The following CSMD1 variants were observed in gnomAD, a reference collection of about 807,000 sequenced individuals.
CSMD1 encodes CUB and Sushi multiple domains 1.
A neutral mutation model predicts 417.5 loss-of-function variants in CSMD1; 213 were observed. That is an observed-to-expected ratio of 0.51 (90% CI 0.46 to 0.57). The LOEUF (loss-of-function observed/expected upper bound fraction) is 0.57. CSMD1 is among the 20% of genes least tolerant of loss of function. CSMD1 has a pLI of 0.00. For synonymous variants in CSMD1, 2,862 were observed against 1,736.8 expected, an observed-to-expected ratio of 1.65 and a Z score of -16.11; for missense variants, 6,923 against 4,529.7, an observed-to-expected ratio of 1.53 and a Z score of -15.17.
Position 4,141,512 on chromosome 8 carries a change from T to A in CSMD1, c.416-109413A>T, listed in dbSNP as rs1208053258. On this transcript the variant is annotated intron_variant, in intron 3 of 69. Transcript: ENST00000635120. The stretch of plus-strand genomic sequence containing the variant: ...GTCTTCACAATAATCCTGAGAGTTA[T>A]TCGCTACATTTTCACACATGTACAA... Among the ~76,000 whole-genome samples the A allele has an allele frequency of 1.3e-5, 2 of 151,172 alleles. 1 individual carries two copies. Among genetic ancestry groups the A allele is most frequent in the Non-Finnish European group, 2.9e-5 (2 of 68,036 alleles).
At chr8:4,596,570 T>C (rs1398780697) in intron 2 of CSMD1, among the ~76,000 whole-genome samples, 8 of 152,188 alleles carry the variant, frequency 5.3e-5, no homozygotes, top group Non-Finnish European at 1.2e-4. Context: ...AAATAATTAA[T>C]AATTAAATCT....
At position 3,698,538 on chromosome 8, in the gene CSMD1, G is replaced by A. The variant is rs531934564; in HGVS notation, c.1009+9876C>T. On this transcript the variant is annotated intron_variant, in intron 7 of 69. Transcript: ENST00000635120. ...ATCTGGCACACGGATTAGCAGGCAT[G>A]CCTGCTTCTGCAGCAGTGTTAGAAA... Among the ~76,000 whole-genome samples the A allele has an allele frequency of 5.9e-5, 9 of 152,344 alleles. No individual in the cohort carries two copies. The East Asian group carries it at 1.7e-3, about 29-fold the overall frequency.
chr8:3,306,067 C>G (rs1804815539), intron 25 of CSMD1, among the ~76,000 whole-genome samples: 1 of 152,000 alleles, frequency 6.6e-6, no homozygotes, highest in Admixed American at 6.6e-5. Context: ...TGTTCTTGCT[C>G]CTTTTATGTA....
intron 18 of CSMD1, among the ~76,000 whole-genome samples, chr8:3,374,970 G>A (rs79710118): frequency 1.4e-4 from 21 of 152,272 alleles, no homozygotes; most frequent in African/African-American, 4.1e-4. Context: ...GTTGAAGCAC[G>A]CAGACAATTT....
chr8:4,901,882 CA>C (rs1804894619), intron 1 of CSMD1, among the ~76,000 whole-genome samples: 1 of 151,952 alleles, frequency 6.6e-6, no homozygotes, highest in African/African-American at 2.4e-5. Flanking sequence ...TCCCACCAGC[CA>C]AAAGGACACT....
chr8:2,979,378 G>A (rs1051131847), intron 54 of CSMD1, among the ~76,000 whole-genome samples: 2 of 152,244 alleles, frequency 1.3e-5, no homozygotes, highest in Non-Finnish European at 2.9e-5. Flanking sequence ...GGTCCGTGGT[G>A]AGGCAGTCTT....
At chr8:4,308,473 G>A (rs565789524) in intron 3 of CSMD1, among the ~76,000 whole-genome samples, 4 of 152,268 alleles carry the variant, frequency 2.6e-5, no homozygotes, top group Admixed American at 2.6e-4. Flanking sequence ...TCTTCAGCGA[G>A]GGCCAATGTG....
chr8:4,421,243 GAAAAACA>G (rs1349464589), intron 2 of CSMD1, among the ~76,000 whole-genome samples: 4 of 151,886 alleles, frequency 2.6e-5, no homozygotes, highest in Admixed American at 1.3e-4. Context: ...TTTAAGAAAG[GAAAAACA>G]AAAAACAAAA....
At chr8:4,528,735 TTAAG>T (rs1254535283) in intron 2 of CSMD1, among the ~76,000 whole-genome samples, 3 of 151,982 alleles carry the variant, frequency 2.0e-5, no homozygotes, top group Non-Finnish European at 2.9e-5. Flanking sequence ...AAAAAAATGT[TTAAG>T]TAAGATGAGA....
chr8:4,876,010 A>G (rs1803017400), intron 1 of CSMD1, among the ~76,000 whole-genome samples: 1 of 152,136 alleles, frequency 6.6e-6, no homozygotes, highest in African/African-American at 2.4e-5. Flanking sequence ...TAAAGAGTAA[A>G]AAGTTAGAAT....
chr8:3,473,450 T>C (rs1183051990), intron 11 of CSMD1, among the ~76,000 whole-genome samples: 2 of 152,204 alleles, frequency 1.3e-5, no homozygotes, highest in African/African-American at 4.8e-5. Flanking sequence ...ATTTTTATGT[T>C]ATTTTATAAT....
intron 1 of CSMD1, among the ~76,000 whole-genome samples, chr8:4,710,541 G>C (rs1244033676): frequency 2.7e-5 from 4 of 150,018 alleles, no homozygotes; most frequent in East Asian, 1.9e-4. Context: ...TGGTGGGGGT[G>C]GTTATTTAAA....
chr8:3,510,302 G>A (rs1241248687), intron 10 of CSMD1, among the ~76,000 whole-genome samples: 1 of 151,780 alleles, frequency 6.6e-6, no homozygotes, highest in East Asian at 1.9e-4. Context: ...GCCTGCCTCT[G>A]TCTTCCCATT....
chr8:3,627,335 G>A (rs143075275), intron 7 of CSMD1, among the ~76,000 whole-genome samples: 132 of 152,162 alleles, frequency 8.7e-4, no homozygotes, highest in Admixed American at 7.8e-3. Flanking sequence ...GCTATAATAC[G>A]TGCGTTAAGA....
chr8:3,713,599 T>A (rs1421417601), intron 6 of CSMD1, among the ~76,000 whole-genome samples: 1 of 152,172 alleles, frequency 6.6e-6, no homozygotes, highest in Non-Finnish European at 1.5e-5. Flanking sequence ...CTTCTGCTCT[T>A]AATACACCCG....
At chr8:3,253,818 C>G (rs1428886556) in intron 26 of CSMD1, among the ~76,000 whole-genome samples, 1 of 152,152 alleles carries the variant, frequency 6.6e-6, no homozygotes, top group African/African-American at 2.4e-5. Context: ...AGGGTCTTGA[C>G]TCTTTATCCA....
intron 3 of CSMD1, among the ~76,000 whole-genome samples, chr8:4,348,849 A>C (rs1284920126): frequency 6.6e-6 from 1 of 152,166 alleles, no homozygotes; most frequent in Non-Finnish European, 1.5e-5. Flanking sequence ...TAAGGTACGA[A>C]CATGCTCTTA....
chr8:4,287,522 T>C (rs1797125426), intron 3 of CSMD1, among the ~76,000 whole-genome samples: 1 of 152,136 alleles, frequency 6.6e-6, no homozygotes, highest in Non-Finnish European at 1.5e-5. Flanking sequence ...CCACACATGT[T>C]GCAGCTTCCC....
At chr8:3,231,890 T>C (rs1342050272) in intron 26 of CSMD1, among the ~76,000 whole-genome samples, 1 of 152,214 alleles carries the variant, frequency 6.6e-6, no homozygotes, top group Non-Finnish European at 1.5e-5. Flanking sequence ...GCTATGAAGA[T>C]GAAGTGTGAA....
Sources: gnomAD v4.1 joint callset for allele counts (sites outside exome capture counted in the v4.1 genomes callset) on GRCh38, gnomAD v4.1.1 for gene constraint, MANE v1.5 for transcripts, NCBI Gene and HGNC (gene_info 2026-07-23, HGNC 2026-07-21) for gene names.